WDR59: variants seen among roughly 807,000 people sequenced by gnomAD.
WDR59 encodes the protein GATOR2 complex protein WDR59.
In WDR59, 100 loss-of-function variants were observed where a neutral mutation model predicts 131.2. That is an observed-to-expected ratio of 0.76 (90% CI 0.65 to 0.90). The LOEUF (loss-of-function observed/expected upper bound fraction) is 0.90, where lower values mean the gene tolerates loss of function less well. WDR59 is among the 40% of genes least tolerant of loss of function. The probability of loss-of-function intolerance (pLI) is 0.00; values close to 1 mark genes in which losing one functional copy is unlikely to be tolerated. For missense variants in WDR59, 1,203 were observed against 1,262.2 expected, an observed-to-expected ratio of 0.95 and a Z score of 0.71; for synonymous variants, 601 against 466.2, an observed-to-expected ratio of 1.29 and a Z score of -3.72.
intron 1 of WDR59, among the ~76,000 whole-genome samples, chr16:74,983,927 G>A (rs560220767): frequency 5.3e-5 from 8 of 151,912 alleles, no homozygotes; most frequent in African/African-American, 1.2e-4. Context: ...TGAACTGAGC[G>A]GTGATTCACG....
intron 1 of WDR59, among the ~76,000 whole-genome samples, chr16:74,976,203 C>T (rs779969366): frequency 6.6e-6 from 1 of 151,988 alleles, no homozygotes; most frequent in Non-Finnish European, 1.5e-5. Context: ...TGCTCCTAGC[C>T]AAATAATTTG....
rs1352978595 is a variant in WDR59 at position 74,956,487 on chromosome 16, A to G, written c.228T>C (p.Tyr76=). The G allele has an allele frequency of 6.2e-7, 1 of 1,613,428 alleles. No individual in the cohort carries two copies. Among genetic ancestry groups the G allele is most frequent in the East Asian group, 2.2e-5 (1 of 44,880 alleles). Residue 76 remains tyrosine (Y), a synonymous_variant, in exon 3 of 26, where the codon TAT becomes TAC. Transcript: ENST00000262144. ...QWNPHDSFAH[Y]FAASSNQRVD... ...TAAATAAGCTCACCGAAGCCGCAAA[A>G]TAGTGTGCAAAGCTGTCATGAGGAT...
At chr16:74,898,440 G>A (rs1375736089) in intron 18 of WDR59, among the ~76,000 whole-genome samples, 1 of 152,222 alleles carries the variant, frequency 6.6e-6, no homozygotes, top group Non-Finnish European at 1.5e-5. Flanking sequence ...AGGGAAAAGA[G>A]ACAAAGCAAG....
chr16:74,928,204 GTTTTTTTTTTTT>G (rs71378719), intron 8 of WDR59, among the ~76,000 whole-genome samples: 1 of 114,798 alleles, frequency 8.7e-6, no homozygotes, highest in Non-Finnish European at 1.8e-5. Flanking sequence ...CTGCATCCAG[GTTTTTTTTTTTT>G]TTTTTTTTGA....
At chr16:74,980,300 A>T (rs1415997678) in intron 1 of WDR59, among the ~76,000 whole-genome samples, 3 of 152,050 alleles carry the variant, frequency 2.0e-5, no homozygotes, top group African/African-American at 7.2e-5. Context: ...ACTTTTATAA[A>T]CTATAAAAAA....
At chr16:74,969,081 G>T (rs902494068) in intron 1 of WDR59, among the ~76,000 whole-genome samples, 7 of 152,210 alleles carry the variant, frequency 4.6e-5, no homozygotes, top group Non-Finnish European at 8.8e-5. Context: ...CCACGGGACT[G>T]TGGAATTTTT....
chr16:74,962,006 A>G (rs112760410), intron 2 of WDR59, among the ~76,000 whole-genome samples: 2,351 of 152,220 alleles, frequency 0.015, 28 homozygotes, highest in Non-Finnish European at 0.024. Context: ...TTTTCTGCAT[A>G]TGGCTAGCCA....
intron 25 of WDR59, among the ~76,000 whole-genome samples, chr16:74,875,118 C>T (rs1375267433): frequency 6.6e-6 from 1 of 152,208 alleles, no homozygotes; most frequent in Admixed American, 6.5e-5. Flanking sequence ...AGTAACACTT[C>T]AGCAGAGGGC....
chr16:74,953,700 T>G (rs1401736775), intron 3 of WDR59, among the ~76,000 whole-genome samples: 1 of 151,672 alleles, frequency 6.6e-6, no homozygotes, highest in Non-Finnish European at 1.5e-5. Context: ...ACAACCCAAT[T>G]CGAAAAAGGG....
intron 13 of WDR59, 176 bp downstream of exon 13, chr16:74,915,694 G>A: frequency 1.2e-6 from 1 of 812,516 alleles, no homozygotes; most frequent in East Asian, 2.9e-5. Flanking sequence ...AAAGTGCTGG[G>A]ATTACAGGCG....
intron 1 of WDR59, among the ~76,000 whole-genome samples, chr16:74,971,751 T>C (rs570517155): frequency 7.2e-4 from 109 of 152,240 alleles, no homozygotes; most frequent in Middle Eastern, 3.4e-3. Context: ...AGTGTCTCAC[T>C]CTGTCGCCAA....
intron 21 of WDR59, among the ~76,000 whole-genome samples, chr16:74,889,004 CTTAT>C (rs1267586818): frequency 1.3e-5 from 2 of 152,222 alleles, no homozygotes; most frequent in East Asian, 1.9e-4. Context: ...CACTCACTAT[CTTAT>C]TTGAGTCTTA....
chr16:74,940,923 C>G (rs2032168343), intron 7 of WDR59, among the ~76,000 whole-genome samples: 1 of 151,992 alleles, frequency 6.6e-6, no homozygotes, highest in South Asian at 2.1e-4. Context: ...CCAGGATGGT[C>G]TCGATCTCCT....
At chr16:74,927,640 T>C (rs1486887114) in intron 8 of WDR59, among the ~76,000 whole-genome samples, 1 of 143,764 alleles carries the variant, frequency 7.0e-6, no homozygotes, top group Admixed American at 7.0e-5. Flanking sequence ...AAAATAAAAC[T>C]TCTAAAAAAC....
intron 1 of WDR59, among the ~76,000 whole-genome samples, chr16:74,976,570 TA>T (rs1289838206): frequency 6.6e-6 from 1 of 151,742 alleles, no homozygotes; most frequent in Non-Finnish European, 1.5e-5. Flanking sequence ...GCCTCCTGAG[TA>T]GCTGGGACTA....
At chr16:74,879,266 G>A (rs983742300) in intron 25 of WDR59, among the ~76,000 whole-genome samples, 1 of 152,166 alleles carries the variant, frequency 6.6e-6, no homozygotes, top group African/African-American at 2.4e-5. Flanking sequence ...ACTGTGGTGG[G>A]AGGATTGTTG....
chr16:74,957,986 G>T (rs2033371930), intron 2 of WDR59, among the ~76,000 whole-genome samples: 1 of 152,140 alleles, frequency 6.6e-6, no homozygotes, highest in Non-Finnish European at 1.5e-5. Flanking sequence ...TCTCTGGCCT[G>T]CTCCAAAGGA....
At chr16:74,970,495 C>CTAAAA (rs2033936954) in intron 1 of WDR59, among the ~76,000 whole-genome samples, 1 of 33,446 alleles carries the variant, frequency 3.0e-5, no homozygotes, top group Admixed American at 3.4e-4. Flanking sequence ...ACTCTGTCTC[C>CTAAAA]AAAAAAAAAA....
At chr16:74,899,747 G>C in intron 18 of WDR59, 1 of 1,289,108 alleles carries the variant, frequency 7.8e-7, no homozygotes. Flanking sequence ...GGCAGAGCGA[G>C]GAGACATCTG....
Sources: allele counts gnomAD v4.1 joint callset (sites outside exome capture counted in the v4.1 genomes callset), GRCh38; gene constraint gnomAD v4.1.1; transcripts MANE v1.5; gene names NCBI Gene and HGNC (gene_info 2026-07-23, HGNC 2026-07-21).